Variants in FAM120A observed in about 807,000 individuals in gnomAD.
FAM120A encodes the protein family with sequence similarity 120 member A, also known as constitutive coactivator of PPAR-gamma-like protein 1.
A neutral mutation model predicts 109.7 loss-of-function variants in FAM120A; 15 were observed. The ratio of observed to expected loss-of-function variants is 0.14; its 90% CI spans 0.09 to 0.21. The LOEUF is 0.21. FAM120A is among the 10% of genes least tolerant of loss of function. The pLI is 1.00. For synonymous variants in FAM120A, 493 were observed against 572.8 expected (o/e 0.86, Z 1.99); for missense variants, 899 against 1,439.3 (o/e 0.62, Z 6.07).
In FAM120A at chr9:93,467,068, CT is replaced by C. The variant is rs11290634; in HGVS notation, c.475-4072del. ...AGTCTGCATTCTATCCTGGCATCCC[CT>C]GACACCCAGGTTGATTTGTTTTTTC... is the stretch of plus-strand genomic sequence containing the variant. On this transcript the variant is annotated intron_variant, in intron 1 of 17. Transcript: ENST00000277165. Among the ~76,000 whole-genome samples, 1,385 of 152,268 alleles carry C rather than the reference CT, an allele frequency of 9.1e-3. 22 individuals carry two copies. The highest frequency in any genetic ancestry group is 0.032 in the African/African-American group (1,316 of 41,534).
chr9:93,535,537 G>A (rs982579142), intron 10 of FAM120A, among the ~76,000 whole-genome samples: 2 of 152,180 alleles, frequency 1.3e-5, no homozygotes, highest in African/African-American at 2.4e-5. Flanking sequence ...GAAAAGATGT[G>A]TAGATTTGAC....
At chr9:93,524,076 C>G (rs1223530562) in intron 7 of FAM120A, among the ~76,000 whole-genome samples, 1 of 152,256 alleles carries the variant, frequency 6.6e-6, no homozygotes, top group Non-Finnish European at 1.5e-5. Flanking sequence ...ATCAGAGACC[C>G]TCCCGGCTGT....
chr9:93,558,767 T>TCGCTC, intron 15 of FAM120A, 49 bp downstream of exon 15: 1 of 1,599,760 alleles, frequency 6.3e-7, no homozygotes, highest in Non-Finnish European at 8.5e-7. Context: ...AGCACTTCCT[T>TCGCTC]CGCTCCATCG....
intron 1 of FAM120A, among the ~76,000 whole-genome samples, chr9:93,466,057 G>T (rs189148436): frequency 7.0e-4 from 107 of 152,190 alleles, no homozygotes; most frequent in African/African-American, 2.4e-3. Flanking sequence ...ACTGGATGAC[G>T]CTGACCTTGG....
chr9:93,556,641 C>T, intron 13 of FAM120A, 50 bp downstream of exon 13: 1 of 1,522,954 alleles, frequency 6.6e-7, no homozygotes, highest in Non-Finnish European at 9.1e-7. Context: ...AAATAAAGCT[C>T]ACTGGTTAAA....
At chr9:93,490,006 G>A (rs552623743) in intron 3 of FAM120A, among the ~76,000 whole-genome samples, 1 of 152,226 alleles carries the variant, frequency 6.6e-6, no homozygotes, top group Non-Finnish European at 1.5e-5. Context: ...GCTCCACTGT[G>A]TCCTAGACTG....
At chr9:93,462,861 A>G (rs568752354) in intron 1 of FAM120A, among the ~76,000 whole-genome samples, 1 of 152,356 alleles carries the variant, frequency 6.6e-6, no homozygotes, top group South Asian at 2.1e-4. Context: ...GTAACGTGTC[A>G]GAATTTCCTC....
chr9:93,476,179 C>T, intron 2 of FAM120A, 77 bp from the exon 3 acceptor site: 1 of 931,154 alleles, frequency 1.1e-6, no homozygotes, highest in Non-Finnish European at 1.7e-6. Context: ...CTATAGGTGA[C>T]AATATGCAGC....
intron 1 of FAM120A, among the ~76,000 whole-genome samples, chr9:93,466,965 C>G (rs1348999742): frequency 1.3e-5 from 2 of 152,268 alleles, no homozygotes; most frequent in East Asian, 3.9e-4. Context: ...TTCCCAGGTA[C>G]TCAGGCAGTT....
chr9:93,555,014 T>A (rs775872130), intron 12 of FAM120A, among the ~76,000 whole-genome samples: 83 of 152,338 alleles, frequency 5.4e-4, no homozygotes, highest in Admixed American at 9.8e-4. Flanking sequence ...TCTTTCTGCC[T>A]TGAGAATTCT....
chr9:93,518,411 A>G (rs1265247474), intron 7 of FAM120A, among the ~76,000 whole-genome samples: 1 of 152,194 alleles, frequency 6.6e-6, no homozygotes, highest in African/African-American at 2.4e-5. Flanking sequence ...TTGCTTTTAT[A>G]GTTTAGAAAA....
intron 9 of FAM120A, chr9:93,530,463 G>A (rs1861283897): frequency 6.6e-6 from 1 of 152,130 alleles, no homozygotes; most frequent in African/African-American, 2.4e-5. Context: ...GTCAATAAAT[G>A]CAATAATGAA....
intron 12 of FAM120A, among the ~76,000 whole-genome samples, chr9:93,554,847 G>A (rs1482648662): frequency 6.6e-6 from 1 of 152,186 alleles, no homozygotes. Flanking sequence ...GCAGAGAGAG[G>A]GGCACGGAGG....
intron 11 of FAM120A, among the ~76,000 whole-genome samples, chr9:93,548,608 TA>T (rs1479698449): frequency 6.6e-6 from 1 of 152,112 alleles, no homozygotes; most frequent in Non-Finnish European, 1.5e-5. Flanking sequence ...AATTAAAAAA[TA>T]AAAAGAAATT....
intron 10 of FAM120A, among the ~76,000 whole-genome samples, chr9:93,539,601 A>C (rs1381323419): frequency 6.6e-6 from 1 of 152,126 alleles, no homozygotes; most frequent in Admixed American, 6.5e-5. Context: ...GATGGTACCC[A>C]CCCAGGATGT....
rs1458211040 is a variant in FAM120A at position 93,498,525 on chromosome 9, G to A, written c.934-265G>A. 6.6e-6 allele frequency among the ~76,000 whole-genome samples: 1 copy of A among 152,232 alleles called. No individual in the cohort carries two copies. Among genetic ancestry groups the A allele is most frequent in the African/African-American group, 2.4e-5 (1 of 41,454 alleles). The stretch of plus-strand genomic sequence containing the variant: ...GAGACCGAGCAGAGTGGAAGTCAGG[G>A]AAGTCCTAGAGCTAGAACCCAGGGC... On this transcript the variant is annotated intron_variant, in intron 4 of 17. Coordinates refer to ENST00000277165, the MANE Select transcript of FAM120A (RefSeq NM_014612.5). This position sits in a 1 kb window ranked among gnomAD's most constrained non-coding sequence, Gnocchi z 4.4.
intron 5 of FAM120A, among the ~76,000 whole-genome samples, chr9:93,514,393 A>G (rs1322898808): frequency 1.3e-5 from 2 of 152,238 alleles, no homozygotes; most frequent in Non-Finnish European, 2.9e-5. Flanking sequence ...TTGTAGAAGC[A>G]TATCTACTGC....
intron 10 of FAM120A, among the ~76,000 whole-genome samples, chr9:93,540,543 T>C (rs923802975): frequency 6.6e-6 from 1 of 152,152 alleles, no homozygotes; most frequent in Non-Finnish European, 1.5e-5. Flanking sequence ...GGCTGGAGTA[T>C]TGCCATGAGT....
chr9:93,534,327 G>A (rs915468255), intron 10 of FAM120A, among the ~76,000 whole-genome samples: 2 of 152,242 alleles, frequency 1.3e-5, no homozygotes, highest in Admixed American at 6.5e-5. Context: ...AGACTGCCCC[G>A]ACCTTCTCTG....
Sources: allele counts gnomAD v4.1 joint callset (sites outside exome capture counted in the v4.1 genomes callset), GRCh38; gene constraint gnomAD v4.1.1; non-coding constraint Gnocchi (gnomAD v3.1); transcripts MANE v1.5; gene names NCBI Gene and HGNC (gene_info 2026-07-23, HGNC 2026-07-21).